Variants in FRMD5 observed in about 807,000 individuals in gnomAD.
The protein encoded by FRMD5 is FERM domain containing 5, also known as FERM domain-containing protein 5.
Under a neutral mutation model 69.0 loss-of-function variants are expected in FRMD5, and 20 were observed. The observed-to-expected ratio is 0.29, with a 90% CI of 0.20 to 0.42. The LOEUF (loss-of-function observed/expected upper bound fraction) is 0.42. FRMD5 is among the 10% of genes least tolerant of loss of function. The pLI is 1.00. For missense variants in FRMD5, 595 were observed against 708.6 expected, an observed-to-expected ratio of 0.84 and a Z score of 1.82; for synonymous variants, 271 against 260.1, an observed-to-expected ratio of 1.04 and a Z score of -0.40.
chr15:44,016,485 G>A (rs1345881237), intron 1 of FRMD5, among the ~76,000 whole-genome samples: 2 of 152,150 alleles, frequency 1.3e-5, no homozygotes, highest in East Asian at 1.9e-4. Flanking sequence ...CACTTTGGGA[G>A]GCCGAGGCAG....
chr15:43,949,049 T>C (rs941059570), intron 1 of FRMD5, among the ~76,000 whole-genome samples: 1 of 152,200 alleles, frequency 6.6e-6, no homozygotes, highest in African/African-American at 2.4e-5. Context: ...TTCACAGACA[T>C]ACAGGCCAAA....
At chr15:44,042,004 GAAA>G (rs1892217513) in intron 1 of FRMD5, among the ~76,000 whole-genome samples, 1 of 152,094 alleles carries the variant, frequency 6.6e-6, no homozygotes, top group Non-Finnish European at 1.5e-5. Context: ...CTGGTTTTCT[GAAA>G]AGATCAACAA....
chr15:44,159,648 G>A (rs990285101), intron 1 of FRMD5, among the ~76,000 whole-genome samples: 24 of 152,128 alleles, frequency 1.6e-4, no homozygotes, highest in Admixed American at 8.5e-4. Context: ...ATGAAAATAG[G>A]AGAAGCATCA....
Position 43,873,300 on chromosome 15 carries a change from T to C in FRMD5, c.*585A>G. ...TAAGAAGCAACTTTCCATTTAATCA[T>C]TCTACATGGATGTTTACTTTTTTAA... On this transcript the variant is annotated 3_prime_UTR_variant, in exon 14 of 14. Coordinates refer to ENST00000417257, the MANE Select transcript of FRMD5 (RefSeq NM_032892.5). 6.5e-7 allele frequency: 1 copy of C among 1,530,338 alleles called. No individual in the cohort carries two copies. Among genetic ancestry groups the C allele is most frequent in the Non-Finnish European group, 8.8e-7 (1 of 1,141,734 alleles). The allele number at this position is 1,530,338 out of a possible 1,614,324, so 94.8% of individuals were successfully genotyped here. A position where few individuals can be genotyped will look rare whatever the true frequency, so the allele number is the denominator to read the frequency against.
chr15:43,896,071 C>A (rs2088904097), intron 7 of FRMD5, among the ~76,000 whole-genome samples: 1 of 152,212 alleles, frequency 6.6e-6, no homozygotes, highest in Non-Finnish European at 1.5e-5. Context: ...CTTCCCATCC[C>A]TATGAAATCA....
intron 1 of FRMD5, 83 bp downstream of exon 1, chr15:44,194,870 G>C (rs1320682029): frequency 6.7e-6 from 8 of 1,192,868 alleles, no homozygotes; most frequent in African/African-American, 1.6e-5. Flanking sequence ...GCGACCCCTG[G>C]GCGGCGGCCG....
chr15:44,171,887 A>G (rs748722227), intron 1 of FRMD5, among the ~76,000 whole-genome samples: 2 of 152,050 alleles, frequency 1.3e-5, no homozygotes, highest in Non-Finnish European at 2.9e-5. Flanking sequence ...CCTCAGCCTC[A>G]TGAGTAGCTG....
intron 1 of FRMD5, among the ~76,000 whole-genome samples, chr15:44,102,600 G>A (rs188523109): frequency 1.3e-5 from 2 of 152,306 alleles, no homozygotes; most frequent in Non-Finnish European, 2.9e-5. Flanking sequence ...TATAGTGTTT[G>A]TTTGAAGATG....
intron 1 of FRMD5, among the ~76,000 whole-genome samples, chr15:44,037,218 ATGAG>A (rs1891958184): frequency 6.6e-6 from 1 of 151,876 alleles, no homozygotes; most frequent in African/African-American, 2.4e-5. Flanking sequence ...CCTCCCACTT[ATGAG>A]TGAGAACATA....
At chr15:44,151,124 G>C (rs1424489546) in intron 1 of FRMD5, among the ~76,000 whole-genome samples, 1 of 151,792 alleles carries the variant, frequency 6.6e-6, no homozygotes, top group Non-Finnish European at 1.5e-5. Flanking sequence ...AGGACCGGGC[G>C]TGGTGGCTTA....
In FRMD5 at chr15:43,873,152, A is replaced by G; in HGVS notation, c.*733T>C. 1.3e-6 allele frequency: 2 copies of G among 1,547,670 alleles called. No homozygotes were observed. Among genetic ancestry groups the G allele is most frequent in the Non-Finnish European group, 1.7e-6 (2 of 1,144,386 alleles). Reference sequence around the variant, plus strand: ...TATGGTGATGCCCACTAGGCTCTAGACTAAGGGGACAGACTTACCCCACCC... The same window carrying G: ...TATGGTGATGCCCACTAGGCTCTAGGCTAAGGGGACAGACTTACCCCACCC... On this transcript the variant is annotated 3_prime_UTR_variant, in exon 14 of 14. Transcript: ENST00000417257.
chr15:43,949,769 ATTGAATAACACAATAT>A, intron 1 of FRMD5, among the ~76,000 whole-genome samples: 1 of 152,230 alleles, frequency 6.6e-6, no homozygotes, highest in South Asian at 2.1e-4. Flanking sequence ...GGAGTCCTAA[ATTGAATAACACAATAT>A]CCAGGAAAAT....
intron 13 of FRMD5, among the ~76,000 whole-genome samples, chr15:43,882,176 C>G (rs1285718891): frequency 1.3e-5 from 2 of 152,200 alleles, no homozygotes; most frequent in African/African-American, 4.8e-5. Flanking sequence ...CTCCTAACAG[C>G]ATTAACTACC....
At chr15:44,099,202 T>C (rs1566945266) in intron 1 of FRMD5, among the ~76,000 whole-genome samples, 1 of 152,132 alleles carries the variant, frequency 6.6e-6, no homozygotes, top group Non-Finnish European at 1.5e-5. Context: ...ACATGACCAA[T>C]AAAATAAATA....
intron 1 of FRMD5, among the ~76,000 whole-genome samples, chr15:44,152,827 T>C (rs1316505293): frequency 6.6e-6 from 1 of 152,182 alleles, no homozygotes; most frequent in East Asian, 1.9e-4. Context: ...GCAGGAGTTG[T>C]TTATATATTG....
At position 43,891,969 on chromosome 15, in the gene FRMD5, G is replaced by A; in HGVS notation, c.728+12C>T. Reference sequence around the variant, plus strand: ...GATATAAAGAGCCTATTTTGGAAATGAAGATGCTCACCATTTAATGAAGTG... The same window carrying A: ...GATATAAAGAGCCTATTTTGGAAATAAAGATGCTCACCATTTAATGAAGTG... On this transcript the variant is annotated intron_variant, in intron 8 of 13. Coordinates refer to ENST00000417257, the MANE Select transcript of FRMD5 (RefSeq NM_032892.5). 1 of 1,610,578 alleles carries A rather than the reference G, an allele frequency of 6.2e-7. No homozygotes were observed. The highest frequency in any genetic ancestry group is 1.1e-5 in the South Asian group (1 of 90,980).
intron 1 of FRMD5, among the ~76,000 whole-genome samples, chr15:44,172,000 G>A (rs1045506071): frequency 3.3e-5 from 5 of 151,990 alleles, no homozygotes; most frequent in African/African-American, 4.8e-5. Flanking sequence ...CTGACCTCAA[G>A]TGATCCACCT....
intron 1 of FRMD5, among the ~76,000 whole-genome samples, chr15:44,142,214 A>G (rs530573564): frequency 6.2e-4 from 95 of 152,348 alleles, no homozygotes; most frequent in African/African-American, 2.1e-3. Context: ...TAATTATATT[A>G]GCAATCAGTC....
chr15:43,990,073 C>A (rs538683537), intron 1 of FRMD5: 1 of 705,384 alleles, frequency 1.4e-6, no homozygotes. Flanking sequence ...GTGTCTGGGG[C>A]GCCCCACAAT....
Sources: allele counts gnomAD v4.1 joint callset (sites outside exome capture counted in the v4.1 genomes callset), GRCh38; gene constraint gnomAD v4.1.1; transcripts MANE v1.5; gene names NCBI Gene and HGNC (gene_info 2026-07-23, HGNC 2026-07-21).